The following PLCH2 variants were observed in gnomAD, a reference collection of about 807,000 sequenced individuals.
PLCH2 encodes the protein phospholipase C eta 2, also known as 1-phosphatidylinositol 4,5-bisphosphate phosphodiesterase eta-2.
PLCH2 carries 98 observed loss-of-function variants against 134.7 expected under a neutral mutation model. That is an observed-to-expected ratio of 0.73 (90% CI 0.62 to 0.86). PLCH2 has a LOEUF of 0.86. PLCH2 is among the 40% of genes least tolerant of loss of function. PLCH2 has a pLI of 0.00. For missense variants in PLCH2, 1,994 were observed against 1,986.6 expected, an observed-to-expected ratio of 1.00 and a Z score of -0.07; for synonymous variants, 974 against 827.5, an observed-to-expected ratio of 1.18 and a Z score of -3.04.
chr1:2,450,551 T>C, intron 2 of PLCH2, among the ~76,000 whole-genome samples: 1 of 32,214 alleles, frequency 3.1e-5, no homozygotes, highest in Admixed American at 3.9e-4. Context: ...GCCCCCCAAT[T>C]CCCCACCTGC....
chr1:2,487,571 G>A, intron 7 of PLCH2, 27 bp from the exon 8 acceptor site: 2 of 1,604,004 alleles, frequency 1.2e-6, no homozygotes, highest in Non-Finnish European at 1.7e-6. Context: ...AGGCCCCTGG[G>A]GCTGACCAAG....
chr1:2,464,004 C>T (rs996051991), upstream of PLCH2, among the ~76,000 whole-genome samples: 1 of 152,258 alleles, frequency 6.6e-6, no homozygotes, highest in African/African-American at 2.4e-5. Flanking sequence ...TTCTGGAACA[C>T]ACTCAGGGCA....
Position 2,444,484 on chromosome 1 carries a change from A to G in PLCH2, c.115+13855A>G, listed in dbSNP as rs1639848675. ...CTGCCCGGGCAGGCGGGAGCTCCGG[A>G]GGCCCTGGGGCGGCCCTGCTGGATG... is the stretch of plus-strand genomic sequence containing the variant. On this transcript the variant is annotated intron_variant, in intron 2 of 3. Coordinates refer to the PLCH2 transcript ENST00000609981. The surrounding 1 kb of genome is among the most constrained non-coding windows in gnomAD (Gnocchi z 4.6). Among the ~76,000 whole-genome samples, 1 of 151,960 alleles carries G rather than the reference A, an allele frequency of 6.6e-6. No homozygotes were observed. The highest frequency in any genetic ancestry group is 2.4e-5 in the African/African-American group (1 of 41,360).
At chr1:2,436,164 CCCTTCCTCCCTGCTCCCTCCTT>C (rs1462174008) in intron 2 of PLCH2, among the ~76,000 whole-genome samples, 2 of 134,500 alleles carry the variant, frequency 1.5e-5, no homozygotes, top group Non-Finnish European at 3.2e-5. Flanking sequence ...GCTCCCTCCT[CCCTTCCTCCCTGCTCCCTCCTT>C]CCTTCCTCTG....
chr1:2,451,579 C>T (rs1019155365), intron 2 of PLCH2, among the ~76,000 whole-genome samples: 2 of 152,170 alleles, frequency 1.3e-5, no homozygotes, highest in Admixed American at 6.5e-5. Context: ...GTCCTATCAC[C>T]GTGGAGGGCA....
chr1:2,470,274 A>G (rs1248425727), intron 1 of PLCH2, among the ~76,000 whole-genome samples: 1 of 152,140 alleles, frequency 6.6e-6, no homozygotes, highest in Non-Finnish European at 1.5e-5. Context: ...TTCCTGGGTC[A>G]GCTGGTGTGT....
At chr1:2,467,554 G>A (rs957462013) in exon 1 of PLCH2, 5 of 399,856 alleles carry the variant, frequency 1.3e-5, no homozygotes, top group South Asian at 2.3e-4. Context: ...AGGGGACGCC[G>A]GGGGCCAGCA....
chr1:2,429,138 G>A (rs547322967), intron 1 of PLCH2, among the ~76,000 whole-genome samples: 3 of 152,268 alleles, frequency 2.0e-5, no homozygotes, highest in South Asian at 4.1e-4. Flanking sequence ...GATTGGGTGC[G>A]AGGAGGGAGG....
chr1:2,487,680 C>A lies in PLCH2; in HGVS notation c.1197C>A (p.Val399=), dbSNP rs568108977. 6.2e-7 allele frequency: 1 copy of A among 1,613,476 alleles called. No individual in the cohort carries two copies. Among genetic ancestry groups the A allele is most frequent in the Admixed American group, 1.7e-5 (1 of 60,018 alleles). The part of the protein sequence containing the change: ...TLTSKILFKD[V]IETINKYAFI... ...CTTCCAAGATCCTCTTCAAAGACGT[C>A]ATTGAAACCATCAACAAATATGCCT... The change falls in exon 8 of 22, where the codon GTC becomes GTA. Residue 399 remains valine, a synonymous_variant. Coordinates refer to ENST00000378486, the MANE Select transcript of PLCH2 (RefSeq NM_014638.4).
chr1:2,424,506 G>A (rs1484072168), upstream of PLCH2, among the ~76,000 whole-genome samples: 2 of 152,176 alleles, frequency 1.3e-5, no homozygotes, highest in African/African-American at 4.8e-5. Context: ...CACTTAACTT[G>A]ATGTTCTCCA....
At chr1:2,482,469 C>G (rs1642025358) in intron 4 of PLCH2, among the ~76,000 whole-genome samples, 1 of 152,230 alleles carries the variant, frequency 6.6e-6, no homozygotes, top group South Asian at 2.1e-4. Flanking sequence ...CCAGGCACCC[C>G]AGGGCTTCAT....
intron 4 of PLCH2, among the ~76,000 whole-genome samples, chr1:2,482,804 T>C (rs1380109345): frequency 1.3e-5 from 2 of 152,152 alleles, no homozygotes; most frequent in African/African-American, 2.4e-5. Context: ...GCTGCTGCTG[T>C]CCATGGTGCC....
intron 2 of PLCH2, among the ~76,000 whole-genome samples, chr1:2,451,738 T>C (rs1027761091): frequency 5.9e-5 from 9 of 152,032 alleles, no homozygotes; most frequent in Admixed American, 5.9e-4. Flanking sequence ...GACCCCTCCC[T>C]GGGGGCTGGG....
At chr1:2,487,785 C>T (rs1642366607) in intron 8 of PLCH2, 67 bp downstream of exon 8, 1 of 1,439,782 alleles carries the variant, frequency 6.9e-7, no homozygotes, top group African/African-American at 1.4e-5. Context: ...GGCTCTAGCT[C>T]TTCCTGCCAC....
intron 5 of PLCH2, 114 bp from the exon 6 acceptor site, chr1:2,486,793 G>A (rs1570435617): frequency 1.2e-6 from 1 of 809,336 alleles, no homozygotes; most frequent in East Asian, 2.7e-5. Context: ...GCTGGCCATG[G>A]TCATCCCTGG....
At chr1:2,464,215 G>A (rs1424829803), upstream of PLCH2, among the ~76,000 whole-genome samples, 4 of 152,176 alleles carry the variant, frequency 2.6e-5, no homozygotes, top group East Asian at 7.7e-4. Flanking sequence ...CATGGGGTTC[G>A]AGTGTTGGCA....
chr1:2,462,070 A>G (rs1442175133), intron 2 of PLCH2, among the ~76,000 whole-genome samples: 9 of 115,512 alleles, frequency 7.8e-5, no homozygotes, highest in Admixed American at 4.3e-4. Context: ...TCCACCTGAC[A>G]CCACTCCGCT....
chr1:2,484,273 T>C lies in PLCH2; in HGVS notation c.646-175T>C, dbSNP rs143224915. Among the ~76,000 whole-genome samples the C allele has an allele frequency of 3.0e-4, 45 of 152,166 alleles. No homozygotes were observed. In the East Asian group the frequency reaches 7.7e-3, roughly 26 times the overall value. ...CTGCATTTTCATGGGGCTGTCCTCC[T>C]GGTGGGTGGGCCCGTGCCCTGGGGA... On this transcript the variant is annotated intron_variant, in intron 4 of 21. Coordinates refer to ENST00000378486, the MANE Select transcript of PLCH2 (RefSeq NM_014638.4).
rs1457338772 is a variant in PLCH2 at position 2,504,138 on chromosome 1, G to C, written c.3176G>C (p.Cys1059Ser). 16 of 1,520,964 alleles carry C rather than the reference G, an allele frequency of 1.1e-5. No individual in the cohort carries two copies. Among genetic ancestry groups the C allele is most frequent in the Non-Finnish European group, 1.4e-5 (16 of 1,135,670 alleles). The allele number at this position is 1,520,964 out of a possible 1,614,324, so 94.2% of individuals were successfully genotyped here. ...EEPRDSRPRPCNGEGAGGAYE... is the reference protein window; with the variant it reads ...EEPRDSRPRPSNGEGAGGAYE... ...CCCCGAGACAGCAGGCCTCGGCCGT[G>C]CAACGGCGAGGGCGCCGGCGGGGCA... Residue 1059 changes from cysteine to serine, a missense_variant, in exon 22 of 22, where the codon TGC (cysteine) becomes TCC (serine). This residue lies in a region of PLCH2 where 900 missense variants were observed against 752.3 expected (regional missense o/e 1.20). Transcript: ENST00000378486.
Sources: allele counts gnomAD v4.1 joint callset (sites outside exome capture counted in the v4.1 genomes callset), GRCh38; gene constraint gnomAD v4.1.1; regional missense constraint gnomAD v4.1.1; non-coding constraint Gnocchi (gnomAD v3.1); transcripts MANE v1.5; gene names NCBI Gene and HGNC (gene_info 2026-07-23, HGNC 2026-07-21).